COL6A6: variants seen among roughly 807,000 people sequenced by gnomAD.
COL6A6 encodes the protein collagen type VI alpha 6 chain.
Under a neutral mutation model 208.6 loss-of-function variants are expected in COL6A6, and 183 were observed. The observed-to-expected ratio is 0.88, with a 90% CI of 0.78 to 0.99. The LOEUF is 0.99. Ranked by LOEUF, COL6A6 falls within the 50% of genes least tolerant of loss-of-function variation. COL6A6 has a pLI of 0.00. For missense variants in COL6A6, 2,816 were observed against 2,815.2 expected, an observed-to-expected ratio of 1.00 and a Z score of -0.01; for synonymous variants, 973 against 1,011.8, an observed-to-expected ratio of 0.96 and a Z score of 0.73.
chr3:130,521,676 CTG>C (rs959420978), intron 1 of COL6A6, among the ~76,000 whole-genome samples: 28 of 152,222 alleles, frequency 1.8e-4, no homozygotes, highest in African/African-American at 6.5e-4. Flanking sequence ...CACTGTGACT[CTG>C]TCTGAGGGCT....
intron 23 of COL6A6, among the ~76,000 whole-genome samples, chr3:130,611,439 G>A (rs189702513): frequency 2.6e-5 from 4 of 152,134 alleles, no homozygotes; most frequent in Non-Finnish European, 2.9e-5. Context: ...ATCATAGTAC[G>A]TATTATTTGT....
Position 130,649,846 on chromosome 3 carries a change from C to T in COL6A6, c.5733+284C>T, listed in dbSNP as rs560372682. ...CATGCAGAAGTTAAGCCACTTTTCA[C>T]GGTTCCCACAGCTAAGAAATGGCAG... On this transcript the variant is annotated intron_variant, in intron 33 of 36. Coordinates refer to ENST00000358511, the MANE Select transcript of COL6A6 (RefSeq NM_001102608.3). 4.6e-5 allele frequency among the ~76,000 whole-genome samples: 7 copies of T among 152,308 alleles called. No homozygotes were observed. The South Asian group carries it at 1.2e-3, about 27-fold the overall frequency.
At chr3:130,669,598 G>A (rs2066161405) in intron 36 of COL6A6, among the ~76,000 whole-genome samples, 1 of 152,006 alleles carries the variant, frequency 6.6e-6, no homozygotes, top group Non-Finnish European at 1.5e-5. Flanking sequence ...TCTCATGTGA[G>A]AAAAGTTATT....
chr3:130,575,337 A>G (rs566399086), intron 8 of COL6A6, among the ~76,000 whole-genome samples: 30 of 152,338 alleles, frequency 2.0e-4, no homozygotes, highest in Admixed American at 2.6e-4. Context: ...TTAAATGAGA[A>G]AATGCATATT....
chr3:130,574,575 G>T, intron 8 of COL6A6, 50 bp downstream of exon 8: 1 of 1,475,622 alleles, frequency 6.8e-7, no homozygotes, highest in South Asian at 1.2e-5. Flanking sequence ...ATCTTCTCTG[G>T]CATTTTCTTC....
intron 33 of COL6A6, among the ~76,000 whole-genome samples, chr3:130,650,764 T>C (rs2065618200): frequency 6.9e-6 from 1 of 144,252 alleles, no homozygotes; most frequent in African/African-American, 2.7e-5. Context: ...ATAGAGAAAC[T>C]AGGGGTGACA....
At chr3:130,581,203 T>G (rs1388805555) in intron 8 of COL6A6, among the ~76,000 whole-genome samples, 1 of 152,194 alleles carries the variant, frequency 6.6e-6, no homozygotes, top group African/African-American at 2.4e-5. Flanking sequence ...TGACCTCAAT[T>G]GATAAGTAGC....
intron 36 of COL6A6, among the ~76,000 whole-genome samples, chr3:130,670,461 A>T (rs777411641): frequency 6.6e-5 from 10 of 152,200 alleles, no homozygotes; most frequent in Admixed American, 2.6e-4. Flanking sequence ...GTCCAATGGG[A>T]TAATAAAGCA....
At chr3:130,568,851 A>C (rs1229468575) in intron 6 of COL6A6, among the ~76,000 whole-genome samples, 1 of 152,224 alleles carries the variant, frequency 6.6e-6, no homozygotes, top group Admixed American at 6.5e-5. Flanking sequence ...AAATGGTATC[A>C]TACCAGTTCT....
intron 33 of COL6A6, among the ~76,000 whole-genome samples, chr3:130,651,639 GAA>G (rs1458968110): frequency 6.6e-6 from 1 of 152,094 alleles, no homozygotes; most frequent in Non-Finnish European, 1.5e-5. Flanking sequence ...CAATAAAGTA[GAA>G]AAGAGTGGGG....
chr3:130,610,967 C>T (rs959459125), intron 23 of COL6A6, among the ~76,000 whole-genome samples: 1 of 152,194 alleles, frequency 6.6e-6, no homozygotes, highest in African/African-American at 2.4e-5. Flanking sequence ...GGTCGCATCA[C>T]TCCCCTGATC....
chr3:130,583,904 C>T (rs543069929), intron 10 of COL6A6, among the ~76,000 whole-genome samples: 1 of 152,260 alleles, frequency 6.6e-6, no homozygotes, highest in East Asian at 1.9e-4. Flanking sequence ...AGGAAAGCTT[C>T]CTTAATTTCA....
intron 1 of COL6A6, among the ~76,000 whole-genome samples, chr3:130,526,583 A>G (rs2061966646): frequency 6.6e-6 from 1 of 152,194 alleles, no homozygotes; most frequent in Admixed American, 6.5e-5. Context: ...CTGTTAGTGC[A>G]GTAGTTCCGC....
At chr3:130,654,791 T>G (rs991231530) in intron 33 of COL6A6, among the ~76,000 whole-genome samples, 5 of 152,208 alleles carry the variant, frequency 3.3e-5, no homozygotes, top group African/African-American at 4.8e-5. Flanking sequence ...GACCGGGGTC[T>G]TATTATTACT....
intron 1 of COL6A6, among the ~76,000 whole-genome samples, chr3:130,533,176 T>A (rs1269241889): frequency 6.6e-6 from 1 of 151,472 alleles, no homozygotes; most frequent in African/African-American, 2.4e-5. Context: ...ATAGCGGCCA[T>A]ATTTTACCGT....
intron 24 of COL6A6, 54 bp downstream of exon 24, chr3:130,621,937 T>A: frequency 7.0e-7 from 1 of 1,433,250 alleles, no homozygotes; most frequent in South Asian, 1.2e-5. Context: ...TCAAGAGAAC[T>A]GTGTCTAATT....
chr3:130,663,489 A>AG (rs2065990194), intron 35 of COL6A6, among the ~76,000 whole-genome samples: 2 of 152,178 alleles, frequency 1.3e-5, no homozygotes, highest in Admixed American at 6.5e-5. Context: ...AGAAGAGCTG[A>AG]GGAAAAAAAG....
Position 130,642,887 on chromosome 3 carries a change from A to T in COL6A6, c.5190+20A>T. 6.2e-7 allele frequency: 1 copy of T among 1,613,758 alleles called. No homozygotes were observed. The highest frequency in any genetic ancestry group is 1.3e-5 in the African/African-American group (1 of 75,038). On this transcript the variant is annotated intron_variant, in intron 30 of 36. Coordinates refer to ENST00000358511, the MANE Select transcript of COL6A6 (RefSeq NM_001102608.3). ...TTTTCTGTACGTATCTCCCGACTAC[A>T]ACAGAGTGCTCTGAGTGCTCCATTC...
In COL6A6 at chr3:130,665,056, AACTCTATAG is replaced by A; in HGVS notation, c.6558_6566del (p.Ser2187_Asp2189del). Reference sequence around the variant, plus strand: ...CTTAAAAATAAAGTGCAACAGACTTAACTCTATAGATCCAAAGCAGCCCCCACGACCATT... The same window carrying A: ...CTTAAAAATAAAGTGCAACAGACTTAATCCAAAGCAGCCCCCACGACCATT... On this transcript the variant is annotated inframe_deletion, in exon 36 of 37. Coordinates refer to ENST00000358511, the MANE Select transcript of COL6A6 (RefSeq NM_001102608.3). The A allele has an allele frequency of 6.2e-7, 1 of 1,610,820 alleles. No homozygotes were observed. Among genetic ancestry groups the A allele is most frequent in the Non-Finnish European group, 8.5e-7 (1 of 1,178,482 alleles).
Sources: gnomAD v4.1 joint callset for allele counts (sites outside exome capture counted in the v4.1 genomes callset) on GRCh38, gnomAD v4.1.1 for gene constraint, MANE v1.5 for transcripts, NCBI Gene and HGNC (gene_info 2026-07-23, HGNC 2026-07-21) for gene names.